Variants in TSHZ2 observed in about 807,000 individuals in gnomAD.
The protein encoded by TSHZ2 is teashirt homolog 2.
A neutral mutation model predicts 74.4 loss-of-function variants in TSHZ2; 21 were observed. The observed-to-expected ratio is 0.28, with a 90% CI of 0.20 to 0.41. TSHZ2 has a LOEUF of 0.41. Among genes scored for constraint, TSHZ2 ranks in the 10% least tolerant of loss-of-function variants. The pLI, the probability that TSHZ2 is intolerant of heterozygous loss-of-function variation, is 1.00. For missense variants in TSHZ2, 1,244 were observed against 1,293.5 expected (o/e 0.96, Z 0.59); for synonymous variants, 540 against 515.3 (o/e 1.05, Z -0.65).
At chr20:53,001,226 G>GTGTGTGTGTGTA (rs1555813607) in intron 1 of TSHZ2, among the ~76,000 whole-genome samples, 10 of 146,720 alleles carry the variant, frequency 6.8e-5, no homozygotes, top group African/African-American at 2.5e-4. Flanking sequence ...GTGTGTGTGT[G>GTGTGTGTGTGTA]TGTGTGTGTG....
At chr20:53,385,197 G>T (rs1240290775) in intron 2 of TSHZ2, among the ~76,000 whole-genome samples, 1 of 152,132 alleles carries the variant, frequency 6.6e-6, no homozygotes, top group Non-Finnish European at 1.5e-5. Flanking sequence ...TATGGGGAAA[G>T]CATGCCATGT....
Position 53,044,721 on chromosome 20 carries a change from G to C in TSHZ2, c.40+71388G>C, listed in dbSNP as rs1014381003. ...TTTGGGGTGCTTTCTTTCTTTGTTT[G>C]TTTTTAGACATGGGGTCTCACTGTG... On this transcript the variant is annotated intron_variant, in intron 1 of 2. Transcript: ENST00000371497. Among the ~76,000 whole-genome samples the C allele has an allele frequency of 6.6e-5, 10 of 152,040 alleles. 1 individual carries two copies. Among genetic ancestry groups the C allele is most frequent in the South Asian group, 4.1e-4 (2 of 4,822 alleles).
At chr20:53,008,610 G>A (rs142229844) in intron 1 of TSHZ2, among the ~76,000 whole-genome samples, 277 of 150,400 alleles carry the variant, frequency 1.8e-3, no homozygotes, top group Middle Eastern at 3.4e-3. Context: ...TTTTCAAAAT[G>A]AACGTCAAAA....
chr20:53,373,648 C>T (rs1013096121), intron 2 of TSHZ2, among the ~76,000 whole-genome samples: 1 of 152,154 alleles, frequency 6.6e-6, no homozygotes, highest in Non-Finnish European at 1.5e-5. Flanking sequence ...GATGTATGTT[C>T]AAGTTCAAGC....
chr20:53,052,227 C>T (rs561968968), intron 1 of TSHZ2, among the ~76,000 whole-genome samples: 25 of 152,238 alleles, frequency 1.6e-4, no homozygotes, highest in African/African-American at 5.5e-4. Context: ...CGTAGAATCA[C>T]GCCACAGTTG....
At chr20:53,217,775 CT>C (rs1989469589) in intron 1 of TSHZ2, among the ~76,000 whole-genome samples, 1 of 152,232 alleles carries the variant, frequency 6.6e-6, no homozygotes, top group South Asian at 2.1e-4. Context: ...ACTGCCCCTG[CT>C]TGTAACCCCT....
At chr20:53,041,609 T>C (rs570896994) in intron 1 of TSHZ2, among the ~76,000 whole-genome samples, 134 of 152,284 alleles carry the variant, frequency 8.8e-4, no homozygotes, top group Middle Eastern at 3.4e-3. Flanking sequence ...ATATAACAGA[T>C]GCCAAGTCAC....
intron 1 of TSHZ2, among the ~76,000 whole-genome samples, chr20:52,992,990 GT>G (rs1335472785): frequency 6.6e-6 from 1 of 152,066 alleles, no homozygotes; most frequent in Non-Finnish European, 1.5e-5. Context: ...GAATTTACAG[GT>G]TTTTTTCTTA....
chr20:53,348,539 G>GA (rs565336412), intron 2 of TSHZ2, among the ~76,000 whole-genome samples: 4 of 103,316 alleles, frequency 3.9e-5, no homozygotes, highest in Non-Finnish European at 6.0e-5. Context: ...AAAAAGAAAA[G>GA]AAAAAAAATA....
At chr20:53,201,632 G>A (rs1159354216) in intron 1 of TSHZ2, among the ~76,000 whole-genome samples, 7 of 152,150 alleles carry the variant, frequency 4.6e-5, no homozygotes, top group African/African-American at 7.2e-5. Flanking sequence ...ACATTCGGAC[G>A]TAGACATCTT....
At chr20:53,137,055 T>C (rs1336144500) in intron 1 of TSHZ2, among the ~76,000 whole-genome samples, 2 of 152,156 alleles carry the variant, frequency 1.3e-5, no homozygotes, top group African/African-American at 4.8e-5. Context: ...TGCCTGTCCC[T>C]GTGTGGGGAT....
chr20:53,004,845 A>C (rs1982580368), intron 1 of TSHZ2, among the ~76,000 whole-genome samples: 1 of 152,210 alleles, frequency 6.6e-6, no homozygotes, highest in Admixed American at 6.5e-5. Context: ...GCTGTACATG[A>C]ATCTTCTGAT....
chr20:53,018,910 A>T (rs1234784186), intron 1 of TSHZ2, among the ~76,000 whole-genome samples: 1 of 152,158 alleles, frequency 6.6e-6, no homozygotes, highest in Admixed American at 6.5e-5. Flanking sequence ...ATATGTTAAG[A>T]TTATTTTTAG....
chr20:53,040,795 G>A (rs1984012294), intron 1 of TSHZ2, among the ~76,000 whole-genome samples: 2 of 152,238 alleles, frequency 1.3e-5, no homozygotes, highest in Admixed American at 1.3e-4. Context: ...ATCCCACAGT[G>A]GGGCCCAGGT....
intron 1 of TSHZ2, among the ~76,000 whole-genome samples, chr20:53,050,362 T>C (rs897205957): frequency 6.6e-6 from 1 of 151,978 alleles, no homozygotes; most frequent in Non-Finnish European, 1.5e-5. Flanking sequence ...TTTTCAATGA[T>C]GAGGTTAGTG....
chr20:53,216,013 C>T (rs1201372458), intron 1 of TSHZ2, among the ~76,000 whole-genome samples: 1 of 152,104 alleles, frequency 6.6e-6, no homozygotes, highest in Non-Finnish European at 1.5e-5. Context: ...TGTCTGATTC[C>T]TCTTCTCCCA....
intron 2 of TSHZ2, among the ~76,000 whole-genome samples, chr20:53,324,074 G>A (rs117289028): frequency 0.011 from 1,715 of 152,194 alleles, 19 homozygotes; most frequent in Middle Eastern, 0.054. Flanking sequence ...AACATGCGAC[G>A]GCCATCCCTC....
intron 1 of TSHZ2, among the ~76,000 whole-genome samples, chr20:53,230,022 G>C (rs569989943): frequency 1.2e-4 from 15 of 130,316 alleles, no homozygotes; most frequent in Non-Finnish European, 2.1e-4. Flanking sequence ...AGGGAAAAAA[G>C]AGAAGGAAGG....
intron 1 of TSHZ2, among the ~76,000 whole-genome samples, chr20:53,213,452 C>A (rs1989359090): frequency 6.6e-6 from 1 of 152,120 alleles, no homozygotes; most frequent in Admixed American, 6.5e-5. Context: ...CTGAACTGGG[C>A]TGACTGCATG....
Sources: allele counts gnomAD v4.1 joint callset (sites outside exome capture counted in the v4.1 genomes callset), GRCh38; gene constraint gnomAD v4.1.1; transcripts MANE v1.5; gene names NCBI Gene and HGNC (gene_info 2026-07-23, HGNC 2026-07-21).